PARD3B: variants seen among roughly 807,000 people sequenced by gnomAD.
The protein encoded by PARD3B is par-3 family cell polarity regulator beta.
PARD3B carries 103 observed loss-of-function variants against 130.2 expected under a neutral mutation model. The ratio of observed to expected loss-of-function variants is 0.79; its 90% CI spans 0.67 to 0.93. PARD3B has a LOEUF of 0.93. Ranked by LOEUF, PARD3B falls within the 40% of genes least tolerant of loss-of-function variation. The pLI, the probability that PARD3B is intolerant of heterozygous loss-of-function variation, is 0.00. For synonymous variants in PARD3B, 583 were observed against 553.2 expected (o/e 1.05, Z -0.76); for missense variants, 1,609 against 1,499.2 (o/e 1.07, Z -1.21).
At chr2:204,572,065 A>G (rs965691832) in intron 1 of PARD3B, among the ~76,000 whole-genome samples, 2 of 152,200 alleles carry the variant, frequency 1.3e-5, no homozygotes, top group Non-Finnish European at 2.9e-5. Context: ...CGGATCTAGA[A>G]TAGTGCCTTG....
In PARD3B at chr2:205,407,226, G is replaced by A. The variant is rs986679579; in HGVS notation, c.2741+6103G>A. ...TTAATCTCAAGTAAGAGATTTCTCA[G>A]CTTATGATGTGTCACCTCCTGTTAC... On this transcript the variant is annotated intron_variant, in intron 19 of 22. Transcript: ENST00000406610. The surrounding 1 kb of genome is among the most constrained non-coding windows in gnomAD (Gnocchi z 4.1). 1.3e-4 allele frequency among the ~76,000 whole-genome samples: 20 copies of A among 152,102 alleles called. No homozygotes were observed. The highest frequency in any genetic ancestry group is 4.6e-4 in the African/African-American group (19 of 41,422).
At chr2:205,231,681 C>T (rs1011281566) in intron 15 of PARD3B, among the ~76,000 whole-genome samples, 1 of 151,994 alleles carries the variant, frequency 6.6e-6, no homozygotes. Context: ...TAATACCATA[C>T]TATGAAGCTT....
chr2:205,037,407 T>G (rs2125384897), intron 3 of PARD3B, among the ~76,000 whole-genome samples: 1 of 147,382 alleles, frequency 6.8e-6, no homozygotes, highest in Admixed American at 6.9e-5. Context: ...TATAGTGGAC[T>G]ATATGTATAA....
At chr2:204,703,729 C>T (rs2038002688) in intron 2 of PARD3B, among the ~76,000 whole-genome samples, 2 of 152,114 alleles carry the variant, frequency 1.3e-5, no homozygotes, top group African/African-American at 4.8e-5. Context: ...ATATCATTTA[C>T]TAAATGACCC....
At chr2:205,248,416 G>A (rs1487762438) in intron 16 of PARD3B, among the ~76,000 whole-genome samples, 2 of 150,798 alleles carry the variant, frequency 1.3e-5, no homozygotes, top group Admixed American at 6.6e-5. Context: ...GGTGGTGGTG[G>A]CGGCAGCAGC....
chr2:204,761,867 C>G (rs980915478), intron 2 of PARD3B, among the ~76,000 whole-genome samples: 12 of 151,784 alleles, frequency 7.9e-5, no homozygotes, highest in African/African-American at 2.9e-4. Context: ...CAAATGTAGT[C>G]CGTGGTATAG....
intron 22 of PARD3B, among the ~76,000 whole-genome samples, chr2:205,606,495 T>C (rs2105777407): frequency 6.6e-6 from 1 of 151,934 alleles, no homozygotes; most frequent in East Asian, 2.0e-4. Flanking sequence ...CAGAATTCAC[T>C]TGCCATTTTT....
At chr2:205,002,580 A>G (rs376402324) in intron 3 of PARD3B, among the ~76,000 whole-genome samples, 57 of 152,062 alleles carry the variant, frequency 3.7e-4, no homozygotes, top group African/African-American at 1.3e-3. Context: ...CTCTGACCAC[A>G]TCTACCTCAA....
At chr2:205,069,800 C>T (rs541478675) in intron 4 of PARD3B, among the ~76,000 whole-genome samples, 6 of 152,046 alleles carry the variant, frequency 3.9e-5, no homozygotes, top group Non-Finnish European at 7.4e-5. Context: ...AAATTTCCAC[C>T]GTCCCAAAGA....
At chr2:205,226,263 G>A (rs191492806) in intron 15 of PARD3B, among the ~76,000 whole-genome samples, 57 of 152,182 alleles carry the variant, frequency 3.7e-4, no homozygotes, top group African/African-American at 1.2e-3. Context: ...GGATGGTCTC[G>A]ATCTCCTGAT....
intron 19 of PARD3B, among the ~76,000 whole-genome samples, chr2:205,420,219 A>G (rs1415198964): frequency 6.6e-6 from 1 of 152,210 alleles, no homozygotes; most frequent in Non-Finnish European, 1.5e-5. Context: ...TGAAGACTGC[A>G]TAAGTATCTC....
intron 2 of PARD3B, among the ~76,000 whole-genome samples, chr2:204,957,910 T>G (rs13399116): frequency 0.07 from 10,551 of 151,032 alleles, 555 homozygotes; most frequent in African/African-American, 0.15. Context: ...GGATACTGGG[T>G]TTTTTTTTGT....
intron 5 of PARD3B, among the ~76,000 whole-genome samples, chr2:205,110,588 C>G (rs959307013): frequency 6.6e-6 from 1 of 150,586 alleles, no homozygotes; most frequent in African/African-American, 2.4e-5. Flanking sequence ...CTATGTATAA[C>G]CAAAATATTT....
chr2:204,850,179 C>T (rs10184471), intron 2 of PARD3B, among the ~76,000 whole-genome samples: 39,260 of 152,026 alleles, frequency 0.26, 9,294 homozygotes, highest in African/African-American at 0.63. Flanking sequence ...TTGTATTTTG[C>T]CTCCATTTTG....
chr2:205,323,189 G>A (rs7582340), intron 18 of PARD3B, among the ~76,000 whole-genome samples: 92,281 of 151,594 alleles, frequency 0.61, 31,014 homozygotes, highest in South Asian at 0.77. Context: ...GATTACAGGC[G>A]TGAGCCACCG....
chr2:204,772,173 A>G (rs901394224), intron 2 of PARD3B, among the ~76,000 whole-genome samples: 10 of 152,088 alleles, frequency 6.6e-5, no homozygotes, highest in Non-Finnish European at 1.0e-4. Flanking sequence ...TTATTTATAT[A>G]TAACTTAGTT....
At chr2:205,450,046 G>C (rs2106191800) in intron 20 of PARD3B, among the ~76,000 whole-genome samples, 1 of 152,232 alleles carries the variant, frequency 6.6e-6, no homozygotes, top group African/African-American at 2.4e-5. Flanking sequence ...TTCAAAGCCT[G>C]ATTTCTCACT....
intron 21 of PARD3B, among the ~76,000 whole-genome samples, chr2:205,529,712 C>A (rs1021341206): frequency 5.3e-5 from 8 of 152,124 alleles, no homozygotes; most frequent in Non-Finnish European, 8.8e-5. Context: ...CATCCACAAG[C>A]CACTATCTGG....
At chr2:205,614,661 G>A (rs767187740) in intron 22 of PARD3B, among the ~76,000 whole-genome samples, 19 of 150,930 alleles carry the variant, frequency 1.3e-4, no homozygotes, top group African/African-American at 3.4e-4. Context: ...AGCTGAGATC[G>A]CACCATTGCA....
Sources: allele counts gnomAD v4.1 joint callset (sites outside exome capture counted in the v4.1 genomes callset), GRCh38; gene constraint gnomAD v4.1.1; non-coding constraint Gnocchi (gnomAD v3.1); transcripts MANE v1.5; gene names NCBI Gene and HGNC (gene_info 2026-07-23, HGNC 2026-07-21).